LDLRAD4: variants seen among roughly 807,000 people sequenced by gnomAD.
LDLRAD4 encodes the protein low density lipoprotein receptor class A domain containing 4.
Under a neutral mutation model 17.0 loss-of-function variants are expected in LDLRAD4, and 5 were observed. That is an observed-to-expected ratio of 0.29 (90% CI 0.15 to 0.62). The LOEUF (loss-of-function observed/expected upper bound fraction) is 0.62. LDLRAD4 is among the 20% of genes least tolerant of loss of function. The pLI is 0.84. For synonymous variants in LDLRAD4, 168 were observed against 171.8 expected (o/e 0.98, Z 0.17); for missense variants, 340 against 424.7 (o/e 0.80, Z 1.75).
At chr18:13,580,935 G>T (rs1024844209) in intron 3 of LDLRAD4, among the ~76,000 whole-genome samples, 3 of 152,202 alleles carry the variant, frequency 2.0e-5, no homozygotes, top group Admixed American at 2.0e-4. Flanking sequence ...GTTGCTGGTT[G>T]GTGGATACCT....
At chr18:13,582,878 A>AT (rs558585925) in intron 3 of LDLRAD4, among the ~76,000 whole-genome samples, 183 of 152,212 alleles carry the variant, frequency 1.2e-3, no homozygotes, top group Admixed American at 2.8e-3. Context: ...GTGCTGGCTA[A>AT]TTTTTAAATT....
At chr18:13,352,627 C>T (rs1381800823) in intron 1 of LDLRAD4, among the ~76,000 whole-genome samples, 2 of 152,140 alleles carry the variant, frequency 1.3e-5, no homozygotes, top group East Asian at 3.8e-4. Context: ...TATGTATTTT[C>T]TCAAAGTTGA....
intron 3 of LDLRAD4, among the ~76,000 whole-genome samples, chr18:13,482,788 G>C (rs1415522866): frequency 6.6e-6 from 1 of 152,226 alleles, no homozygotes; most frequent in Non-Finnish European, 1.5e-5. Context: ...GTGAACAAAG[G>C]TTGTCTAATT....
chr18:13,412,770 T>G (rs1222721957), intron 2 of LDLRAD4, among the ~76,000 whole-genome samples: 3 of 152,188 alleles, frequency 2.0e-5, no homozygotes, highest in Admixed American at 6.5e-5. Flanking sequence ...TGTCTTAGAA[T>G]AGCACCCGGC....
intron 3 of LDLRAD4, among the ~76,000 whole-genome samples, chr18:13,620,246 T>C (rs12456221): frequency 2.0e-5 from 3 of 152,246 alleles, no homozygotes; most frequent in Admixed American, 2.0e-4. Flanking sequence ...GCATGTGTGC[T>C]GTGAGCCCAG....
At chr18:13,477,712 T>C (rs376703910) in intron 3 of LDLRAD4, among the ~76,000 whole-genome samples, 1 of 152,162 alleles carries the variant, frequency 6.6e-6, no homozygotes, top group Non-Finnish European at 1.5e-5. Context: ...ATCTAAGTGC[T>C]TAAGTGACCC....
chr18:13,452,537 T>C (rs1003953911), intron 3 of LDLRAD4, among the ~76,000 whole-genome samples: 2 of 151,978 alleles, frequency 1.3e-5, no homozygotes, highest in African/African-American at 4.8e-5. Flanking sequence ...AGGAGGAGAC[T>C]CTTCTGAAGC....
intron 1 of LDLRAD4, among the ~76,000 whole-genome samples, chr18:13,384,077 C>T (rs2085600545): frequency 6.6e-6 from 1 of 152,160 alleles, no homozygotes. Context: ...TGGCCATGAC[C>T]ACGCTTAGAC....
In LDLRAD4 at chr18:13,398,610, T is replaced by C. The variant is rs2086896109; in HGVS notation, c.40+10848T>C. ...TCTCAGTTTTGGCTTAAGGACAGGTTTCGAAGGAGATGGGCGGCCCCTCCC... is the reference window on the plus strand; with the variant it reads ...TCTCAGTTTTGGCTTAAGGACAGGTCTCGAAGGAGATGGGCGGCCCCTCCC... On this transcript the variant is annotated intron_variant, in intron 2 of 5. Transcript: ENST00000359446. The surrounding 1 kb of genome is among the most constrained non-coding windows in gnomAD (Gnocchi z 4.8). 6.6e-6 allele frequency among the ~76,000 whole-genome samples: 1 copy of C among 151,978 alleles called. No individual in the cohort carries two copies. Among genetic ancestry groups the C allele is most frequent in the East Asian group, 1.9e-4 (1 of 5,172 alleles).
chr18:13,338,117 G>A (rs370167504), intron 1 of LDLRAD4, among the ~76,000 whole-genome samples: 8 of 152,232 alleles, frequency 5.3e-5, no homozygotes, highest in Non-Finnish European at 1.0e-4. Context: ...CTGTGACCCC[G>A]AAGGGAGAAA....
At chr18:13,452,147 C>T (rs1282649003) in intron 3 of LDLRAD4, among the ~76,000 whole-genome samples, 1 of 152,162 alleles carries the variant, frequency 6.6e-6, no homozygotes, top group Non-Finnish European at 1.5e-5. Context: ...GGCAGGTCCC[C>T]AGTAGCTGTG....
chr18:13,369,004 A>C (rs1474277101), intron 1 of LDLRAD4, among the ~76,000 whole-genome samples: 1 of 152,182 alleles, frequency 6.6e-6, no homozygotes, highest in African/African-American at 2.4e-5. Context: ...GTGCCAGGCC[A>C]AGCCATGATC....
chr18:13,478,170 G>A (rs887383171), intron 3 of LDLRAD4, among the ~76,000 whole-genome samples: 1 of 152,178 alleles, frequency 6.6e-6, no homozygotes. Flanking sequence ...TCTTGACTCG[G>A]GGTTGTCTGA....
At chr18:13,346,606 A>G (rs1463115047) in intron 1 of LDLRAD4, among the ~76,000 whole-genome samples, 1 of 152,170 alleles carries the variant, frequency 6.6e-6, no homozygotes, top group Admixed American at 6.5e-5. Context: ...CTTGGTACAG[A>G]GCTGAGTTCA....
At chr18:13,324,562 T>G (rs1022546453) in intron 1 of LDLRAD4, among the ~76,000 whole-genome samples, 3 of 152,084 alleles carry the variant, frequency 2.0e-5, no homozygotes, top group African/African-American at 4.8e-5. Context: ...CCTGTGGGTT[T>G]ATTAGCTGGT....
chr18:13,296,494 G>A (rs2046283353), intron 1 of LDLRAD4, among the ~76,000 whole-genome samples: 1 of 152,012 alleles, frequency 6.6e-6, no homozygotes, highest in Admixed American at 6.5e-5. Flanking sequence ...CTCTTCTCTG[G>A]GCACACATGA....
intron 3 of LDLRAD4, among the ~76,000 whole-genome samples, chr18:13,524,607 T>C (rs2094001391): frequency 1.3e-5 from 2 of 152,216 alleles, no homozygotes; most frequent in Admixed American, 6.5e-5. Context: ...GCTCAGTGGC[T>C]TCAAACAATA....
chr18:13,226,180 C>CTTTTTGTTTTTTTTTT (rs2041782840), intron 1 of LDLRAD4, among the ~76,000 whole-genome samples: 1 of 52,186 alleles, frequency 1.9e-5, no homozygotes, highest in Non-Finnish European at 3.3e-5. Flanking sequence ...CCATGCCTTG[C>CTTTTTGTTTTTTTTTT]TTTTTTTTTT....
chr18:13,411,619 T>C (rs1351575572), intron 2 of LDLRAD4, among the ~76,000 whole-genome samples: 1 of 152,186 alleles, frequency 6.6e-6, no homozygotes, highest in East Asian at 1.9e-4. Flanking sequence ...CTGCACACGC[T>C]CTCTTGCCTG....
Sources: gnomAD v4.1 joint callset for allele counts (sites outside exome capture counted in the v4.1 genomes callset) on GRCh38, gnomAD v4.1.1 for gene constraint, Gnocchi (gnomAD v3.1) non-coding constraint, MANE v1.5 for transcripts, NCBI Gene and HGNC (gene_info 2026-07-23, HGNC 2026-07-21) for gene names.